Variants in CETP observed in about 807,000 individuals in gnomAD.
CETP encodes cholesteryl ester transfer protein, also known as BPI fold containing family F.
Under a neutral mutation model 66.5 loss-of-function variants are expected in CETP, and 56 were observed. The ratio of observed to expected loss-of-function variants is 0.84; its 90% CI spans 0.68 to 1.05. The LOEUF is 1.05. Among genes scored for constraint, CETP ranks in the 50% least tolerant of loss-of-function variants. CETP has a pLI of 0.00. For missense variants in CETP, 612 were observed against 609.6 expected, an observed-to-expected ratio of 1.00 and a Z score of -0.04; for synonymous variants, 251 against 245.7, an observed-to-expected ratio of 1.02 and a Z score of -0.20.
At chr16:56,978,675 G>A (rs982940649) in intron 11 of CETP, among the ~76,000 whole-genome samples, 2 of 151,970 alleles carry the variant, frequency 1.3e-5, no homozygotes, top group East Asian at 1.9e-4. Context: ...CCTTAGAGGC[G>A]GGGTCTTGTT....
At chr16:56,965,961 T>C (rs1258111060) in intron 2 of CETP, among the ~76,000 whole-genome samples, 1 of 152,138 alleles carries the variant, frequency 6.6e-6, no homozygotes, top group Non-Finnish European at 1.5e-5. Context: ...CCCCGGGGCC[T>C]AGCTGAGGCC....
chr16:56,971,864 C>T, intron 7 of CETP, 128 bp from the exon 8 acceptor site: 1 of 831,224 alleles, frequency 1.2e-6, no homozygotes, highest in South Asian at 1.4e-5. Context: ...TCCCCGCACA[C>T]CCAGGTCCCA....
intron 4 of CETP, 98 bp downstream of exon 4, chr16:56,969,779 C>A: frequency 1.9e-6 from 3 of 1,552,648 alleles, no homozygotes; most frequent in East Asian, 2.3e-5. Flanking sequence ...CTGGGGCCAC[C>A]AAAGGAGGCC....
chr16:56,963,857 T>TG (rs1317320795), intron 2 of CETP, among the ~76,000 whole-genome samples: 5 of 151,838 alleles, frequency 3.3e-5, no homozygotes, highest in African/African-American at 1.2e-4. Context: ...TTAGTAGAGA[T>TG]GGGGTTTCAT....
chr16:56,962,453 G>C (rs1440427581), intron 1 of CETP: 12 of 528,496 alleles, frequency 2.3e-5, no homozygotes, highest in Admixed American at 1.1e-4. Context: ...TATATTTGGT[G>C]TTGGGGGTCA....
intron 10 of CETP, among the ~76,000 whole-genome samples, chr16:56,977,573 A>C (rs1288842433): frequency 6.6e-6 from 1 of 152,084 alleles, no homozygotes; most frequent in Non-Finnish European, 1.5e-5. Flanking sequence ...CCTCAGCTGC[A>C]GTTTTACGTT....
intron 2 of CETP, among the ~76,000 whole-genome samples, chr16:56,965,892 T>C (rs1183315879): frequency 4.6e-5 from 7 of 152,148 alleles, no homozygotes; most frequent in Non-Finnish European, 1.0e-4. Context: ...GATCCTCTGC[T>C]GTACCTACAC....
Position 56,983,562 on chromosome 16 carries a change from G to A in CETP, c.1408-30G>A, listed in dbSNP as rs289741. On this transcript the variant is annotated intron_variant, in intron 15 of 15. Coordinates refer to ENST00000200676, the MANE Select transcript of CETP (RefSeq NM_000078.3). ...GGTGGCCTGGGAGTCAGCCCAGCTC[G>A]CCCCTCTCTCCTACTGCCCCTCCCT... The A allele has an allele frequency of 0.67, 1,086,889 of 1,612,930 alleles. 369,945 individuals carry two copies. The highest frequency in any genetic ancestry group is 0.7 in the Admixed American group (42,120 of 60,016).
Position 56,973,418 on chromosome 16 carries a change from T to G in CETP, c.838T>G (p.Phe280Val). 1 of 1,614,212 alleles carries G rather than the reference T, an allele frequency of 6.2e-7. No individual in the cohort carries two copies. The highest frequency in any genetic ancestry group is 8.5e-7 in the Non-Finnish European group (1 of 1,180,020). Residue 280 changes from phenylalanine to valine, a missense_variant, in exon 9 of 16, where the codon TTC (phenylalanine) becomes GTC (valine). By Grantham distance (50) the Phe-to-Val change is conservative. Transcript: ENST00000200676. ...GCTGGGGGACTCCCGCATGCTGTACTTCTGGTTCTCTGAGCGAGTCTTCCA... is the reference window on the plus strand; with the variant it reads ...GCTGGGGGACTCCCGCATGCTGTACGTCTGGTTCTCTGAGCGAGTCTTCCA... ...TLLGDSRMLY[F>V]WFSERVFHSL... is the part of the protein sequence containing the mutation.
chr16:56,969,752 T>A, intron 4 of CETP, 71 bp downstream of exon 4: 2 of 1,589,818 alleles, frequency 1.3e-6, no homozygotes, highest in Non-Finnish European at 1.7e-6. Context: ...AGGGGGAGGT[T>A]GTGCAGGCAG....
In CETP at chr16:56,969,425, G is replaced by A. The variant is rs2056091695; in HGVS notation, c.273G>A (p.Val91=). 2 of 1,614,146 alleles carry A rather than the reference G, an allele frequency of 1.2e-6. No individual in the cohort carries two copies. Among genetic ancestry groups the A allele is most frequent in the Non-Finnish European group, 1.7e-6 (2 of 1,180,032 alleles). Residue 91 remains valine (V), a synonymous_variant, in exon 3 of 16, where the codon GTG becomes GTA. Transcript: ENST00000200676. ...ACTTGTCCATCGCCAGCAGCCAGGTGGAGCTGGTGGAAGCCAAGTCCATTG... is the reference window on the plus strand; with the variant it reads ...ACTTGTCCATCGCCAGCAGCCAGGTAGAGCTGGTGGAAGCCAAGTCCATTG... ...ISHLSIASSQ[V]ELVEAKSIDV...
chr16:56,964,409 C>T (rs548840250), intron 2 of CETP, among the ~76,000 whole-genome samples: 6 of 152,256 alleles, frequency 3.9e-5, no homozygotes, highest in South Asian at 2.1e-4. Flanking sequence ...TTAACAAACA[C>T]GGAAACAGGA....
At chr16:56,968,194 AT>A (rs1240406849) in intron 2 of CETP, among the ~76,000 whole-genome samples, 17 of 147,528 alleles carry the variant, frequency 1.2e-4, no homozygotes, top group South Asian at 2.1e-4. Flanking sequence ...TTGTCAATCT[AT>A]TTTTTTTTTG....
intron 9 of CETP, 134 bp downstream of exon 9, chr16:56,973,644 G>A (rs2056129624): frequency 1.0e-6 from 1 of 955,274 alleles, no homozygotes; most frequent in African/African-American, 1.6e-5. Context: ...AGCAATAGCA[G>A]TGAAGTCCAG....
intron 5 of CETP, 88 bp from the exon 6 acceptor site, chr16:56,970,945 G>T (rs1567471707): frequency 1.6e-6 from 2 of 1,231,344 alleles, no homozygotes; most frequent in East Asian, 2.3e-5. Context: ...AGGGCCAACA[G>T]AGCCATGAAC....
At chr16:56,969,818 C>A (rs1169096069) in intron 4 of CETP, 96 bp from the exon 5 acceptor site, 21 of 1,536,254 alleles carry the variant, frequency 1.4e-5, no homozygotes, top group Non-Finnish European at 1.9e-5. Flanking sequence ...GGGGTGGGGA[C>A]CCCAGAGCTG....
chr16:56,974,999 G>A lies in CETP; in HGVS notation c.931-102G>A, dbSNP rs1368865817. 1.9e-5 allele frequency: 19 copies of A among 988,042 alleles called. No homozygotes were observed. The African/African-American group carries it at 2.2e-4, about 12-fold the overall frequency. 61.2% of individuals were successfully genotyped at this position (988,042 alleles called of 1,614,324 possible). On this transcript the variant is annotated intron_variant, in intron 9 of 15. Transcript: ENST00000200676. ...CTGGGAGGTTGGGAGTTGCGTCTGA[G>A]GAGGGGTCCAGTCCTTGAAACTGCC...
chr16:56,967,635 A>G (rs142093596), intron 2 of CETP, among the ~76,000 whole-genome samples: 109 of 150,102 alleles, frequency 7.3e-4, no homozygotes, highest in African/African-American at 2.4e-3. Flanking sequence ...AGCCTGAGCA[A>G]CAGAGCCAGA....
intron 2 of CETP, among the ~76,000 whole-genome samples, chr16:56,963,406 G>T (rs75313088): frequency 6.6e-6 from 1 of 151,582 alleles, no homozygotes; most frequent in Admixed American, 6.6e-5. Context: ...GTCTTATTTC[G>T]GGGTGAATGG....
Sources: allele counts gnomAD v4.1 joint callset (sites outside exome capture counted in the v4.1 genomes callset), GRCh38; gene constraint gnomAD v4.1.1; transcripts MANE v1.5; gene names NCBI Gene and HGNC (gene_info 2026-07-23, HGNC 2026-07-21).